Variants in USP35 observed in about 807,000 individuals in gnomAD.
USP35 encodes the protein ubiquitin specific peptidase 35.
In USP35, 69 loss-of-function variants were observed where a neutral mutation model predicts 83.8. The observed-to-expected ratio is 0.82, with a 90% CI of 0.68 to 1.01. USP35 has a LOEUF of 1.01. Ranked by LOEUF, USP35 falls within the 50% of genes least tolerant of loss-of-function variation. The probability of loss-of-function intolerance (pLI) is 0.00; values close to 1 mark genes in which losing one functional copy is unlikely to be tolerated. For missense variants in USP35, 1,503 were observed against 1,362.5 expected, an observed-to-expected ratio of 1.10 and a Z score of -1.62; for synonymous variants, 714 against 589.5, an observed-to-expected ratio of 1.21 and a Z score of -3.06.
rs1491324422 is a variant in USP35 at position 78,214,377 on chromosome 11, TTG to T, written c.*565_*566del. 1,238 of 52,900 alleles carry T rather than the reference TTG, an allele frequency of 0.023. 188 individuals are homozygous for T. Among genetic ancestry groups the T allele is most frequent in the Non-Finnish European group, 0.038 (846 of 22,408 alleles). The allele number at this position is 52,900 out of a possible 1,614,324, so 3.3% of individuals were successfully genotyped here. ...CCTTACCAAGCGCCACTGCATGGTT[TTG>T]GGGGGGGGGGCGGGGGGCTAGCTTC... On this transcript the variant is annotated 3_prime_UTR_variant, in exon 11 of 11. Coordinates refer to ENST00000529308, the MANE Select transcript of USP35 (RefSeq NM_020798.4).
At chr11:78,197,838 A>T in intron 2 of USP35, 98 bp from the exon 3 acceptor site, 2 of 1,479,556 alleles carry the variant, frequency 1.4e-6, no homozygotes, top group Non-Finnish European at 1.8e-6. Flanking sequence ...CTCTTCCTAG[A>T]GGCCCAGCCC....
the USP35 span, among the ~76,000 whole-genome samples, chr11:78,233,000 A>G: frequency 2.6e-5 from 4 of 151,518 alleles, no homozygotes; most frequent in African/African-American, 9.7e-5. Flanking sequence ...ACACAGGATT[A>G]AAGTCTATTC....
chr11:78,222,519 T>C, the USP35 span, among the ~76,000 whole-genome samples: 1 of 148,394 alleles, frequency 6.7e-6, no homozygotes, highest in Non-Finnish European at 1.5e-5. Context: ...AGACTATATA[T>C]AAAATATATT....
chr11:78,233,881 G>T, the USP35 span, among the ~76,000 whole-genome samples: 3 of 152,244 alleles, frequency 2.0e-5, no homozygotes, highest in Admixed American at 6.5e-5. Context: ...AAAGTGCTGA[G>T]ATTACAGGCG....
chr11:78,225,983 T>C, the USP35 span, among the ~76,000 whole-genome samples: 1 of 152,262 alleles, frequency 6.6e-6, no homozygotes, highest in Non-Finnish European at 1.5e-5. Context: ...AGAATTTAGG[T>C]ACTTCAAATA....
rs1456469095 is a variant in USP35 at position 78,206,047 on chromosome 11, T to C, written c.1391+12T>C. 5.0e-6 allele frequency: 8 copies of C among 1,603,768 alleles called. No individual in the cohort carries two copies. In the Admixed American group the frequency reaches 1.0e-4, roughly 20 times the overall value. On this transcript the variant is annotated intron_variant, in intron 7 of 10. Transcript: ENST00000529308. ...TTCATGGCGTCTGAGTAGGTGCTGC[T>C]TTGGAATTCCCTGTCTGCCCTTGCT...
chr11:78,213,262 C>T (rs374381517), intron 10 of USP35, among the ~76,000 whole-genome samples: 3 of 152,134 alleles, frequency 2.0e-5, no homozygotes, highest in African/African-American at 4.8e-5. Context: ...ATGAGGCTGA[C>T]GTCCTGGTAG....
chr11:78,219,009 T>C, downstream of USP35: 1 of 444,434 alleles, frequency 2.3e-6, no homozygotes, highest in East Asian at 3.9e-5. Flanking sequence ...TTTTTGGAAG[T>C]AGCTCCTAAC....
rs866969801 is a variant in USP35, at chr11:78,210,497, C to T, written c.2642C>T (p.Ala881Val). 1.9e-6 allele frequency: 3 copies of T among 1,614,140 alleles called. No homozygotes were observed. The highest frequency in any genetic ancestry group is 1.7e-5 in the Admixed American group (1 of 60,022). ...AARPAASLGT[A>V]DRPEPENQWY... ...CGCCCTGCCGCTTCTCTGGGAACTG[C>T]CGATAGGCCAGAGCCCGAGAACCAG... The change falls in exon 10 of 11, where the codon GCC (alanine) becomes GTC (valine). Residue 881 changes from alanine (A) to valine (V), a missense_variant. Coordinates refer to ENST00000529308, the MANE Select transcript of USP35 (RefSeq NM_020798.4).
downstream of USP35, chr11:78,217,595 T>C (rs549005210): frequency 2.0e-5 from 3 of 152,358 alleles, no homozygotes; most frequent in Admixed American, 6.5e-5. Context: ...ACGTCTGGTC[T>C]GTCCTGTTGC....
chr11:78,212,259 ATTTC>A (rs1412496956), intron 10 of USP35, among the ~76,000 whole-genome samples: 1 of 152,066 alleles, frequency 6.6e-6, no homozygotes, highest in Non-Finnish European at 1.5e-5. Flanking sequence ...GTGGAGTCTT[ATTTC>A]TGAGTGAGTT....
At chr11:78,227,054 A>T in the USP35 span, 9 of 1,593,230 alleles carry the variant, frequency 5.6e-6, no homozygotes, top group Non-Finnish European at 7.7e-6. Flanking sequence ...TGGCACTCCT[A>T]AAAGAGAAAG....
chr11:78,214,854 T>G lies in USP35; in HGVS notation c.*1041T>G, dbSNP rs1864035042. The G allele has an allele frequency of 6.7e-6, 1 of 149,786 alleles. No homozygotes were observed. Among genetic ancestry groups the G allele is most frequent in the Admixed American group, 6.6e-5 (1 of 15,052 alleles). 9.3% of individuals were successfully genotyped at this position (149,786 alleles called of 1,614,324 possible). A position where few individuals can be genotyped will look rare whatever the true frequency, so the allele number is the denominator to read the frequency against. On this transcript the variant is annotated 3_prime_UTR_variant, in exon 11 of 11. Transcript: ENST00000529308. ...GAGCCCTCTACTGAATCTACTGAAGTGGGGTGTAAGTAAACGTGTGGACTG... is the reference window on the plus strand; with the variant it reads ...GAGCCCTCTACTGAATCTACTGAAGGGGGGTGTAAGTAAACGTGTGGACTG...
Position 78,196,395 on chromosome 11 carries a change from G to C in USP35, c.150G>C (p.Val50=), listed in dbSNP as rs1258878917. The C allele has an allele frequency of 7.1e-7, 1 of 1,410,540 alleles. No individual in the cohort carries two copies. Among genetic ancestry groups the C allele is most frequent in the East Asian group, 3.0e-5 (1 of 32,954 alleles). 87.4% of individuals were successfully genotyped at this position (1,410,540 alleles called of 1,614,324 possible). A position where few individuals can be genotyped will look rare whatever the true frequency, so the allele number is the denominator to read the frequency against. The change falls in exon 2 of 11, where the codon GTG becomes GTC. Residue 50 remains valine, a synonymous_variant. Transcript: ENST00000529308. The surrounding 1 kb of genome is among the most constrained non-coding windows in gnomAD (Gnocchi z 4.8). The stretch of plus-strand genomic sequence containing the variant: ...TGGCGCTGGGCGCGCGCCTCTACGT[G>C]GGCGGCGCGGAGGAGCTGCCGCGCC... ...ALLALGARLY[V]GGAEELPRRV...
At chr11:78,209,001 G>T (rs765945399) in intron 9 of USP35, 38 bp downstream of exon 9, 3 of 1,599,718 alleles carry the variant, frequency 1.9e-6, no homozygotes, top group Non-Finnish European at 2.6e-6. Context: ...TCCAGGTCTA[G>T]AGGGTCCTTG....
intron 6 of USP35, among the ~76,000 whole-genome samples, chr11:78,204,774 G>A (rs548672853): frequency 6.6e-6 from 1 of 152,322 alleles, no homozygotes; most frequent in Admixed American, 6.5e-5. Flanking sequence ...ATGTGTGTGT[G>A]TTTTTAAATC....
At chr11:78,234,257 AT>A in the USP35 span, among the ~76,000 whole-genome samples, 1 of 151,718 alleles carries the variant, frequency 6.6e-6, no homozygotes, top group East Asian at 1.9e-4. Flanking sequence ...TACTTTTTGT[AT>A]TTTCTGTAGA....
chr11:78,203,887 C>CT lies in USP35; in HGVS notation c.1198-1951dup, dbSNP rs200697593. On this transcript the variant is annotated intron_variant, in intron 6 of 10. Transcript: ENST00000529308. ...GCCACTGTACCCAGCCCATATTTTT[C>CT]TTTTCTTTTTTTTTTTTTTTTGAGA... 7.6e-3 allele frequency among the ~76,000 whole-genome samples: 948 copies of CT among 124,408 alleles called. 89 individuals carry two copies. Among genetic ancestry groups the CT allele is most frequent in the African/African-American group, 0.027 (840 of 31,162 alleles). 81.6% of individuals were successfully genotyped at this position (124,408 alleles called of 152,430 possible). A position where few individuals can be genotyped will look rare whatever the true frequency, so the allele number is the denominator to read the frequency against.
chr11:78,197,114 C>T (rs1863176469), intron 2 of USP35, among the ~76,000 whole-genome samples, 196 bp downstream of exon 2: 1 of 152,054 alleles, frequency 6.6e-6, no homozygotes, highest in Non-Finnish European at 1.5e-5. Flanking sequence ...TGCTGTGGGT[C>T]CTCTCCTGCA....
Sources: allele counts gnomAD v4.1 joint callset (sites outside exome capture counted in the v4.1 genomes callset), GRCh38; gene constraint gnomAD v4.1.1; non-coding constraint Gnocchi (gnomAD v3.1); transcripts MANE v1.5; gene names NCBI Gene and HGNC (gene_info 2026-07-23, HGNC 2026-07-21).